Variants in ATRNL1 observed in about 807,000 individuals in gnomAD.
ATRNL1 encodes attractin like 1, also known as attractin-like protein 1.
Under a neutral mutation model 182.7 loss-of-function variants are expected in ATRNL1, and 95 were observed. The observed-to-expected ratio is 0.52, with a 90% confidence interval of 0.44 to 0.62. The LOEUF (loss-of-function observed/expected upper bound fraction) is 0.62. ATRNL1 is among the 20% of genes least tolerant of loss of function. The pLI is 0.00. For synonymous variants in ATRNL1, 576 were observed against 568.3 expected, an observed-to-expected ratio of 1.01 and a Z score of -0.19; for missense variants, 1,471 against 1,679.5, an observed-to-expected ratio of 0.88 and a Z score of 2.17.
intron 26 of ATRNL1, among the ~76,000 whole-genome samples, chr10:115,564,640 A>G (rs987659048): frequency 1.3e-5 from 2 of 151,896 alleles, no homozygotes; most frequent in African/African-American, 4.8e-5. Flanking sequence ...TCTATTTTTA[A>G]TAGGTGATAT....
intron 26 of ATRNL1, among the ~76,000 whole-genome samples, chr10:115,709,955 C>T (rs1947014935): frequency 6.6e-6 from 1 of 151,922 alleles, no homozygotes; most frequent in South Asian, 2.1e-4. Context: ...ACATTTTATG[C>T]TTTAAATCTC....
chr10:115,272,053 G>A (rs1277405587), intron 13 of ATRNL1, among the ~76,000 whole-genome samples: 4 of 152,246 alleles, frequency 2.6e-5, no homozygotes, highest in East Asian at 1.9e-4. Flanking sequence ...CTCCTATTCT[G>A]CCATGTGAGA....
chr10:115,572,561 G>A (rs536723654), intron 26 of ATRNL1, among the ~76,000 whole-genome samples: 27 of 152,184 alleles, frequency 1.8e-4, no homozygotes, highest in Middle Eastern at 3.4e-3. Flanking sequence ...TTAGACAGCA[G>A]TCAAGAGCAT....
chr10:115,584,762 G>A (rs1289719397), intron 26 of ATRNL1, among the ~76,000 whole-genome samples: 1 of 151,940 alleles, frequency 6.6e-6, no homozygotes, highest in Non-Finnish European at 1.5e-5. Context: ...GTTTTGCTCT[G>A]ACTTTAGTTA....
chr10:115,159,879 TGTGA>T (rs1299450372), intron 5 of ATRNL1, among the ~76,000 whole-genome samples, 157 bp from the exon 6 acceptor site: 3 of 151,998 alleles, frequency 2.0e-5, no homozygotes, highest in Admixed American at 6.6e-5. Context: ...TTACATTTTC[TGTGA>T]GTATTATTCT....
chr10:115,939,516 G>A (rs1953662999), intron 28 of ATRNL1, among the ~76,000 whole-genome samples: 1 of 152,110 alleles, frequency 6.6e-6, no homozygotes, highest in Admixed American at 6.5e-5. Flanking sequence ...GAATCTACTG[G>A]TATATTTTTA....
rs2084945953 is a variant in ATRNL1 at position 115,094,008 on chromosome 10, G to T, written c.258G>T (p.Val86=). ...NSTCLCDPGW[V]GDQCQHCQGR... is the part of the protein sequence containing the mutation. ...CCTGCCTCTGCGACCCGGGCTGGGT[G>T]GGGGACCAGTGCCAGCACTGCCAGG... is the stretch of plus-strand genomic sequence containing the variant. Residue 86 remains valine, a synonymous_variant, in exon 1 of 29, where the codon GTG becomes GTT. Coordinates refer to ENST00000355044, the MANE Select transcript of ATRNL1 (RefSeq NM_207303.4). The T allele has an allele frequency of 6.3e-7, 1 of 1,576,862 alleles. No individual in the cohort carries two copies. The highest frequency in any genetic ancestry group is 2.4e-5 in the East Asian group (1 of 41,672).
At chr10:115,415,381 A>T (rs1845340116) in intron 20 of ATRNL1, among the ~76,000 whole-genome samples, 1 of 151,926 alleles carries the variant, frequency 6.6e-6, no homozygotes, top group Non-Finnish European at 1.5e-5. Flanking sequence ...TAAAATTATT[A>T]GTTTCCCCCT....
At chr10:115,897,421 A>G (rs112578327) in intron 28 of ATRNL1, among the ~76,000 whole-genome samples, 10 of 152,316 alleles carry the variant, frequency 6.6e-5, no homozygotes, top group African/African-American at 2.2e-4. Flanking sequence ...AGAAGTATTC[A>G]AGGGTATTGA....
chr10:115,901,063 T>G (rs1480487034), intron 28 of ATRNL1, among the ~76,000 whole-genome samples: 1 of 152,242 alleles, frequency 6.6e-6, no homozygotes, highest in South Asian at 2.1e-4. Flanking sequence ...TGTGAAATAG[T>G]GGCACAGATA....
intron 21 of ATRNL1, among the ~76,000 whole-genome samples, chr10:115,446,940 T>C (rs1847029377): frequency 6.6e-6 from 1 of 151,968 alleles, no homozygotes; most frequent in South Asian, 2.1e-4. Context: ...TAAAAGCAGA[T>C]ACATATATCA....
chr10:115,446,585 T>C (rs1847006432), intron 21 of ATRNL1, among the ~76,000 whole-genome samples: 1 of 151,996 alleles, frequency 6.6e-6, no homozygotes. Flanking sequence ...GATTTTGCTC[T>C]TTTTCTCTTC....
At chr10:115,384,922 GT>G (rs1227946021) in intron 19 of ATRNL1, among the ~76,000 whole-genome samples, 1 of 150,398 alleles carries the variant, frequency 6.6e-6, no homozygotes, top group Non-Finnish European at 1.5e-5. Flanking sequence ...ATCACACCTG[GT>G]TTTTTTCTAG....
chr10:115,680,441 A>G (rs1946009729), intron 26 of ATRNL1, among the ~76,000 whole-genome samples: 1 of 152,126 alleles, frequency 6.6e-6, no homozygotes, highest in Admixed American at 6.6e-5. Context: ...TTATTGGCAA[A>G]ATTAGTTACA....
chr10:115,901,743 G>GAAAAAAAAAAAAAAAAA (rs562327427), intron 28 of ATRNL1, among the ~76,000 whole-genome samples: 1 of 58,048 alleles, frequency 1.7e-5, no homozygotes, highest in African/African-American at 4.0e-5. Context: ...GAACTGAGAA[G>GAAAAAAAAAAAAAAAAA]AAAAAAAAAA....
At chr10:115,941,908 C>T (rs971602132) in intron 28 of ATRNL1, among the ~76,000 whole-genome samples, 6 of 152,190 alleles carry the variant, frequency 3.9e-5, no homozygotes, top group African/African-American at 1.2e-4. Flanking sequence ...GAAGTTCCCA[C>T]GTGCTCTTCA....
At chr10:115,893,813 C>A (rs893622490) in intron 28 of ATRNL1, among the ~76,000 whole-genome samples, 3 of 152,166 alleles carry the variant, frequency 2.0e-5, no homozygotes, top group African/African-American at 7.2e-5. Flanking sequence ...TAATTTCTGT[C>A]ATATCTGTTG....
chr10:115,184,047 AATAG>A (rs1847845133), intron 8 of ATRNL1, among the ~76,000 whole-genome samples: 1 of 151,524 alleles, frequency 6.6e-6, no homozygotes, highest in South Asian at 2.1e-4. Flanking sequence ...AATACACATT[AATAG>A]ATAATTAAGT....
chr10:115,926,231 C>A (rs1555120077), intron 28 of ATRNL1, among the ~76,000 whole-genome samples: 4 of 152,136 alleles, frequency 2.6e-5, no homozygotes, highest in Non-Finnish European at 2.9e-5. Flanking sequence ...AGACATCATA[C>A]CAGAATCTCT....
Sources: gnomAD v4.1 joint callset for allele counts (sites outside exome capture counted in the v4.1 genomes callset) on GRCh38, gnomAD v4.1.1 for gene constraint, MANE v1.5 for transcripts, NCBI Gene and HGNC (gene_info 2026-07-23, HGNC 2026-07-21) for gene names.